The following SGPP2 variants were observed in gnomAD, a reference collection of about 807,000 sequenced individuals.
SGPP2 encodes the protein sphingosine 1-phosphate phosphohydrolase 2.
In SGPP2, 30 loss-of-function variants were observed where a neutral mutation model predicts 33.9. That is an observed-to-expected ratio of 0.89 (90% CI 0.66 to 1.20). The LOEUF is 1.20. Among genes scored for constraint, SGPP2 ranks in the 50% most tolerant of loss-of-function variants. The probability of loss-of-function intolerance (pLI) is 0.00; values close to 1 mark genes in which losing one functional copy is unlikely to be tolerated. For missense variants in SGPP2, 458 were observed against 532.1 expected (o/e 0.86, Z 1.37); for synonymous variants, 233 against 225.0 (o/e 1.04, Z -0.32).
chr2:222,473,000 C>T (rs542089393), intron 1 of SGPP2, among the ~76,000 whole-genome samples: 2 of 151,974 alleles, frequency 1.3e-5, no homozygotes, highest in African/African-American at 4.8e-5. Context: ...GGTGACAGAG[C>T]GAGACTCGGT....
At chr2:222,427,309 G>A (rs929636166) in intron 1 of SGPP2, among the ~76,000 whole-genome samples, 2 of 152,148 alleles carry the variant, frequency 1.3e-5, no homozygotes, top group African/African-American at 4.8e-5. Flanking sequence ...CACCCAGGGT[G>A]GAGTGCAGTG....
intron 4 of SGPP2, among the ~76,000 whole-genome samples, chr2:222,532,274 C>CAAAAAAGA (rs555246017): frequency 7.0e-6 from 1 of 143,768 alleles, no homozygotes; most frequent in Admixed American, 7.0e-5. Context: ...AACTCTGTCT[C>CAAAAAAGA]AAAAAAGAAA....
chr2:222,436,197 T>G (rs1049637579), intron 1 of SGPP2, among the ~76,000 whole-genome samples: 6 of 152,126 alleles, frequency 3.9e-5, no homozygotes, highest in Admixed American at 2.0e-4. Flanking sequence ...TAACTTCCAG[T>G]TTAATGGAAT....
chr2:222,542,409 AT>A (rs756499614), intron 4 of SGPP2, among the ~76,000 whole-genome samples: 5 of 152,148 alleles, frequency 3.3e-5, no homozygotes, highest in Non-Finnish European at 7.3e-5. Context: ...AAATATGTAC[AT>A]TTTCCTCTTG....
Position 222,558,607 on chromosome 2 carries a change from C to G in SGPP2, c.909C>G (p.Pro303=), listed in dbSNP as rs183770597. ...ATTTCTTCCAGCTTGTATCCAAGCC[C>G]GCTGAATCTCTCCCTGTTATTCAGA... The part of the protein sequence containing the change: ...INHFFQLVSK[P]AESLPVIQNI... Residue 303 remains proline (P), a synonymous_variant, in exon 5 of 5, where the codon CCC becomes CCG. Coordinates refer to ENST00000321276, the MANE Select transcript of SGPP2 (RefSeq NM_152386.4). The G allele has an allele frequency of 6.2e-7, 1 of 1,614,182 alleles. No individual in the cohort carries two copies. The highest frequency in any genetic ancestry group is 1.7e-5 in the Admixed American group (1 of 60,028).
At chr2:222,437,757 G>A (rs1350444611) in intron 1 of SGPP2, among the ~76,000 whole-genome samples, 1 of 152,204 alleles carries the variant, frequency 6.6e-6, no homozygotes, top group African/African-American at 2.4e-5. Context: ...ATAACCCATA[G>A]TCAAATCTTC....
chr2:222,536,451 A>C (rs554900550), intron 4 of SGPP2, among the ~76,000 whole-genome samples: 9 of 152,306 alleles, frequency 5.9e-5, no homozygotes, highest in African/African-American at 2.2e-4. Flanking sequence ...GAGGCCAAGC[A>C]GGTGGATCAC....
chr2:222,500,323 T>C (rs1698347953), intron 2 of SGPP2, among the ~76,000 whole-genome samples: 1 of 152,092 alleles, frequency 6.6e-6, no homozygotes, highest in Non-Finnish European at 1.5e-5. Context: ...GACTTCCAGC[T>C]GGATGTCTCG....
At chr2:222,545,985 C>T (rs769418159) in intron 4 of SGPP2, among the ~76,000 whole-genome samples, 14 of 152,352 alleles carry the variant, frequency 9.2e-5, no homozygotes, top group Non-Finnish European at 1.9e-4. Flanking sequence ...AAGTAGCTGG[C>T]TTGCAGCTAT....
At chr2:222,435,826 G>A (rs759506915) in intron 1 of SGPP2, among the ~76,000 whole-genome samples, 23 of 152,202 alleles carry the variant, frequency 1.5e-4, no homozygotes, top group Non-Finnish European at 2.9e-4. Flanking sequence ...TCATGTGGTC[G>A]TAGCTGGTAT....
chr2:222,528,755 T>C (rs1365903506), intron 4 of SGPP2, among the ~76,000 whole-genome samples: 2 of 152,214 alleles, frequency 1.3e-5, no homozygotes, highest in African/African-American at 4.8e-5. Flanking sequence ...TAGCTGGGAC[T>C]ACAGGCATGC....
At chr2:222,497,991 G>A (rs941590017) in intron 2 of SGPP2, among the ~76,000 whole-genome samples, 3 of 152,188 alleles carry the variant, frequency 2.0e-5, no homozygotes, top group Non-Finnish European at 2.9e-5. Flanking sequence ...CTGTGGAGGA[G>A]TAAGAGAAGC....
intron 3 of SGPP2, 94 bp downstream of exon 3, chr2:222,522,040 C>G (rs1445598324): frequency 5.2e-6 from 6 of 1,163,606 alleles, no homozygotes; most frequent in Non-Finnish European, 7.1e-6. Flanking sequence ...TTTGAGGGAC[C>G]TTAAGGTTTA....
chr2:222,560,062 C>A lies in SGPP2; in HGVS notation c.*1164C>A, dbSNP rs1689507969. The A allele has an allele frequency of 6.6e-6, 1 of 152,332 alleles. No individual in the cohort carries two copies. The highest frequency in any genetic ancestry group is 1.5e-5 in the Non-Finnish European group (1 of 68,126). 9.4% of individuals were successfully genotyped at this position (152,332 alleles called of 1,614,324 possible). A position where few individuals can be genotyped will look rare whatever the true frequency, so the allele number is the denominator to read the frequency against. ...CACAGGTGGATACATCTGGGATTCA[C>A]TGAGATTCCTGCCCTCTCCTGCTTC... On this transcript the variant is annotated 3_prime_UTR_variant, in exon 5 of 5. Coordinates refer to ENST00000321276, the MANE Select transcript of SGPP2 (RefSeq NM_152386.4).
intron 4 of SGPP2, among the ~76,000 whole-genome samples, chr2:222,546,658 C>G (rs1689206871): frequency 6.6e-6 from 1 of 152,126 alleles, no homozygotes; most frequent in Non-Finnish European, 1.5e-5. Context: ...ATTTACTTTC[C>G]TCTGCATGAG....
chr2:222,469,214 C>T (rs1215887816), intron 1 of SGPP2, among the ~76,000 whole-genome samples: 1 of 152,120 alleles, frequency 6.6e-6, no homozygotes, highest in African/African-American at 2.4e-5. Flanking sequence ...GACGGAGTCT[C>T]GCTCTGTCAC....
At chr2:222,555,947 T>G (rs1454879626) in intron 4 of SGPP2, among the ~76,000 whole-genome samples, 1 of 152,218 alleles carries the variant, frequency 6.6e-6, no homozygotes, top group Non-Finnish European at 1.5e-5. Flanking sequence ...CCCTGCGCTA[T>G]TCACTATGAA....
At chr2:222,502,596 A>G (rs1042616193) in intron 2 of SGPP2, among the ~76,000 whole-genome samples, 4 of 152,216 alleles carry the variant, frequency 2.6e-5, no homozygotes, top group Admixed American at 6.5e-5. Flanking sequence ...CAGATTAGGG[A>G]TGCTCAACCT....
At chr2:222,472,619 T>TAATG (rs1417020485) in intron 1 of SGPP2, among the ~76,000 whole-genome samples, 14 of 152,234 alleles carry the variant, frequency 9.2e-5, no homozygotes, top group Admixed American at 8.5e-4. Context: ...GGTTGTCCTT[T>TAATG]ATGCCTACAT....
Sources: allele counts gnomAD v4.1 joint callset (sites outside exome capture counted in the v4.1 genomes callset), GRCh38; gene constraint gnomAD v4.1.1; transcripts MANE v1.5; gene names NCBI Gene and HGNC (gene_info 2026-07-23, HGNC 2026-07-21).